The following RCAN2 variants were observed in gnomAD, a reference collection of about 807,000 sequenced individuals.
RCAN2 encodes the protein regulator of calcineurin 2.
RCAN2 carries 9 observed loss-of-function variants against 23.6 expected under a neutral mutation model. That is an observed-to-expected ratio of 0.38 (90% CI 0.23 to 0.67). The LOEUF is 0.67. Ranked by LOEUF, RCAN2 falls within the 30% of genes least tolerant of loss-of-function variation. The probability of loss-of-function intolerance (pLI) is 0.51; values close to 1 mark genes in which losing one functional copy is unlikely to be tolerated. For synonymous variants in RCAN2, 109 were observed against 115.7 expected (o/e 0.94, Z 0.37); for missense variants, 273 against 302.3 (o/e 0.90, Z 0.72).
intron 1 of RCAN2, among the ~76,000 whole-genome samples, chr6:46,475,461 G>C (rs1479762186): frequency 6.6e-6 from 1 of 152,178 alleles, no homozygotes; most frequent in Non-Finnish European, 1.5e-5. Flanking sequence ...GTGAGGAGAT[G>C]AGCTGCTCCA....
rs139189754 is a variant in RCAN2 at position 46,245,558 on chromosome 6, T to C, written c.571+1190A>G. On this transcript the variant is annotated intron_variant, in intron 4 of 4. Coordinates refer to ENST00000371374, the MANE Select transcript of RCAN2 (RefSeq NM_001251974.2). ...ATACAAGGATCAACAGATGTGATTA[T>C]CAAAACTGCAGATTTCTGGGGTGGG... Among the ~76,000 whole-genome samples the C allele has an allele frequency of 3.6e-3, 546 of 152,290 alleles. 3 individuals are homozygous for C. Among genetic ancestry groups the C allele is most frequent in the South Asian group, 0.021 (102 of 4,826 alleles).
intron 1 of RCAN2, among the ~76,000 whole-genome samples, chr6:46,483,931 T>C: frequency 6.6e-6 from 1 of 152,248 alleles, no homozygotes; most frequent in East Asian, 1.9e-4. Context: ...TGAACCACCA[T>C]TAATTTATCT....
intron 2 of RCAN2, among the ~76,000 whole-genome samples, chr6:46,412,913 T>TG (rs2150408619): frequency 6.6e-6 from 1 of 152,336 alleles, no homozygotes; most frequent in South Asian, 2.1e-4. Context: ...ATAATAGGGC[T>TG]GGTAGACTTT....
At chr6:46,362,788 G>GA (rs1404721148) in intron 2 of RCAN2, among the ~76,000 whole-genome samples, 1 of 152,046 alleles carries the variant, frequency 6.6e-6, no homozygotes, top group Non-Finnish European at 1.5e-5. Flanking sequence ...ATTGTTGATG[G>GA]AAAAATACAT....
intron 2 of RCAN2, among the ~76,000 whole-genome samples, chr6:46,342,077 C>T (rs1338002231): frequency 6.6e-6 from 1 of 152,136 alleles, no homozygotes; most frequent in African/African-American, 2.4e-5. Context: ...AATCACATTC[C>T]TCTTTGACTG....
chr6:46,488,030 A>G (rs1445131695), intron 1 of RCAN2, among the ~76,000 whole-genome samples: 1 of 152,200 alleles, frequency 6.6e-6, no homozygotes, highest in African/African-American at 2.4e-5. Context: ...TGCAAACATC[A>G]CACAGCAAAT....
intron 2 of RCAN2, among the ~76,000 whole-genome samples, chr6:46,391,043 G>A (rs980903256): frequency 2.6e-5 from 4 of 152,180 alleles, no homozygotes; most frequent in African/African-American, 9.7e-5. Context: ...TGTCAGAGGG[G>A]AGAGGTGTAT....
At position 46,231,744 on chromosome 6, in the gene RCAN2, C is replaced by T. The variant is rs182427095; in HGVS notation, c.572-8443G>A. On this transcript the variant is annotated intron_variant, in intron 4 of 4. Transcript: ENST00000371374. ...ATTTTGTTATGGCAACCCTAGCAAACGAACACAGCCATACCCTGCTGAGAG... is the reference window on the plus strand; with the variant it reads ...ATTTTGTTATGGCAACCCTAGCAAATGAACACAGCCATACCCTGCTGAGAG... Among the ~76,000 whole-genome samples the T allele has an allele frequency of 2.3e-3, 347 of 152,148 alleles. 5 individuals carry two copies. Among genetic ancestry groups the T allele is most frequent in the Non-Finnish European group, 7.1e-4 (48 of 67,988 alleles).
chr6:46,407,492 T>C (rs1766436555), intron 2 of RCAN2, among the ~76,000 whole-genome samples: 1 of 152,202 alleles, frequency 6.6e-6, no homozygotes, highest in African/African-American at 2.4e-5. Flanking sequence ...ATCCCATCTT[T>C]AAAAGTTCAC....
intron 4 of RCAN2, among the ~76,000 whole-genome samples, chr6:46,232,397 G>T (rs1160247670): frequency 6.6e-6 from 1 of 152,164 alleles, no homozygotes; most frequent in Admixed American, 6.5e-5. Context: ...TTTATCTGAG[G>T]GTTGTATCAA....
At chr6:46,313,071 A>G (rs1285198832) in intron 2 of RCAN2, among the ~76,000 whole-genome samples, 2 of 152,118 alleles carry the variant, frequency 1.3e-5, no homozygotes, top group Non-Finnish European at 2.9e-5. Context: ...AGAGTTCACC[A>G]TTCTCTCTGG....
intron 2 of RCAN2, among the ~76,000 whole-genome samples, chr6:46,432,913 T>C (rs1458203594): frequency 6.6e-6 from 1 of 152,174 alleles, no homozygotes; most frequent in Non-Finnish European, 1.5e-5. Context: ...CCTGAAAACA[T>C]AAGAATGTTT....
chr6:46,402,253 T>C (rs935250797), intron 2 of RCAN2, among the ~76,000 whole-genome samples: 6 of 152,194 alleles, frequency 3.9e-5, no homozygotes, highest in African/African-American at 1.4e-4. Flanking sequence ...GTGTGTGTTG[T>C]ATGTCCAGGT....
At chr6:46,339,163 C>A (rs771319569) in intron 2 of RCAN2, among the ~76,000 whole-genome samples, 1 of 151,798 alleles carries the variant, frequency 6.6e-6, no homozygotes, top group Non-Finnish European at 1.5e-5. Context: ...TAGGCACAGG[C>A]CATAGAAAGA....
At chr6:46,438,911 C>T (rs771100663) in intron 2 of RCAN2, among the ~76,000 whole-genome samples, 15 of 152,162 alleles carry the variant, frequency 9.9e-5, no homozygotes, top group Admixed American at 2.0e-4. Flanking sequence ...CTGCAGTACT[C>T]TTTCGCTTTG....
At chr6:46,292,439 T>G (rs867071251) in intron 2 of RCAN2, among the ~76,000 whole-genome samples, 2 of 53,804 alleles carry the variant, frequency 3.7e-5, no homozygotes, top group African/African-American at 1.4e-4. Context: ...TTTTTTTTTG[T>G]TTTTTTTTTT....
chr6:46,270,292 G>A (rs1383747721), intron 2 of RCAN2, among the ~76,000 whole-genome samples: 2 of 152,164 alleles, frequency 1.3e-5, no homozygotes, highest in Non-Finnish European at 2.9e-5. Context: ...CTGCAGGAGT[G>A]CCGGGACCTT....
intron 1 of RCAN2, among the ~76,000 whole-genome samples, chr6:46,485,179 G>A (rs1043951520): frequency 3.3e-5 from 5 of 152,038 alleles, no homozygotes; most frequent in Admixed American, 2.6e-4. Flanking sequence ...TAAATAATTG[G>A]GAACAATCTG....
At chr6:46,335,443 C>T (rs962834716) in intron 2 of RCAN2, among the ~76,000 whole-genome samples, 30 of 152,142 alleles carry the variant, frequency 2.0e-4, no homozygotes, top group African/African-American at 7.2e-4. Flanking sequence ...CTAAAAAAGT[C>T]CTGTTCAATA....
Sources: allele counts gnomAD v4.1 joint callset (sites outside exome capture counted in the v4.1 genomes callset), GRCh38; gene constraint gnomAD v4.1.1; transcripts MANE v1.5; gene names NCBI Gene and HGNC (gene_info 2026-07-23, HGNC 2026-07-21).